GPT2: variants seen among roughly 807,000 people sequenced by gnomAD.
GPT2 encodes alanine aminotransferase 2.
Under a neutral mutation model 56.9 loss-of-function variants are expected in GPT2, and 30 were observed. The observed-to-expected ratio is 0.53, with a 90% confidence interval of 0.39 to 0.72. The LOEUF (loss-of-function observed/expected upper bound fraction) is 0.72, where lower values mean the gene tolerates loss of function less well. Among genes scored for constraint, GPT2 ranks in the 30% least tolerant of loss-of-function variants. The pLI is 0.00. For synonymous variants in GPT2, 271 were observed against 283.1 expected (o/e 0.96, Z 0.43); for missense variants, 542 against 703.4 (o/e 0.77, Z 2.60).
intron 2 of GPT2, among the ~76,000 whole-genome samples, chr16:46,892,695 T>C (rs993972038): frequency 6.6e-6 from 1 of 152,248 alleles, no homozygotes; most frequent in Non-Finnish European, 1.5e-5. Context: ...TTTTCATGTA[T>C]CTGTTGACGA....
intron 2 of GPT2, among the ~76,000 whole-genome samples, chr16:46,892,076 A>C (rs1960597867): frequency 6.6e-6 from 1 of 151,790 alleles, no homozygotes; most frequent in African/African-American, 2.4e-5. Flanking sequence ...CCACATATGC[A>C]CTCCCCCAAC....
rs571000949 is a variant in GPT2 at position 46,923,327 on chromosome 16, A to G, written c.1212+911A>G. ...AAATACAAAAATCAGCCGGGATGGTACATGCCTGTTATCCCAACTACTCGG... is the reference window on the plus strand; with the variant it reads ...AAATACAAAAATCAGCCGGGATGGTGCATGCCTGTTATCCCAACTACTCGG... On this transcript the variant is annotated intron_variant, in intron 9 of 11. Coordinates refer to ENST00000340124, the MANE Select transcript of GPT2 (RefSeq NM_133443.4). 2.0e-5 allele frequency among the ~76,000 whole-genome samples: 3 copies of G among 152,296 alleles called. No homozygotes were observed. The East Asian group carries it at 5.8e-4, about 29-fold the overall frequency.
chr16:46,929,115 G>A lies in GPT2; in HGVS notation c.*118G>A, dbSNP rs1438646750. On this transcript the variant is annotated 3_prime_UTR_variant, in exon 12 of 12. Transcript: ENST00000340124. ...CCTCGCAGAGGCCGCTGGTCACTTC[G>A]TCATCATTTTGCCCCTGGAGACGTC... is the stretch of plus-strand genomic sequence containing the variant. 2.7e-5 allele frequency: 20 copies of A among 742,720 alleles called. No homozygotes were observed. Among genetic ancestry groups the A allele is most frequent in the South Asian group, 9.2e-5 (6 of 65,436 alleles). 46.0% of individuals were successfully genotyped at this position (742,720 alleles called of 1,614,324 possible).
chr16:46,905,441 G>A (rs554868766), intron 4 of GPT2, among the ~76,000 whole-genome samples: 3 of 152,292 alleles, frequency 2.0e-5, no homozygotes, highest in East Asian at 1.9e-4. Flanking sequence ...ACTTCCAGTC[G>A]CCATCCTGCC....
chr16:46,919,765 G>T (rs1961248065), intron 8 of GPT2, among the ~76,000 whole-genome samples: 1 of 152,216 alleles, frequency 6.6e-6, no homozygotes, highest in Non-Finnish European at 1.5e-5. Flanking sequence ...TGTGATGGGG[G>T]ATGGGGACAG....
In GPT2 at chr16:46,899,950, G is replaced by A. The variant is rs570686896; in HGVS notation, c.334-732G>A. ...ACCTGCGCAGGTGCACCTGGGAGGC[G>A]GGCAGGCCAGCTCAGTGCCCATTGT... On this transcript the variant is annotated intron_variant, in intron 3 of 11. Coordinates refer to ENST00000340124, the MANE Select transcript of GPT2 (RefSeq NM_133443.4). Among the ~76,000 whole-genome samples the A allele has an allele frequency of 3.6e-3, 545 of 152,294 alleles. 3 individuals are homozygous for A. The highest frequency in any genetic ancestry group is 0.013 in the African/African-American group (522 of 41,570).
chr16:46,908,450 T>C (rs1960981005), intron 5 of GPT2, among the ~76,000 whole-genome samples: 1 of 152,160 alleles, frequency 6.6e-6, no homozygotes, highest in Non-Finnish European at 1.5e-5. Context: ...GGAATGGTGC[T>C]GGGTGCTGTC....
chr16:46,930,145 C>G lies in GPT2; in HGVS notation c.*1148C>G, dbSNP rs866437694. The G allele has an allele frequency of 1.2e-4, 18 of 152,996 alleles. No homozygotes were observed. The highest frequency in any genetic ancestry group is 4.1e-4 in the African/African-American group (17 of 41,478). The allele number at this position is 152,996 out of a possible 1,614,324, so 9.5% of individuals were successfully genotyped here. A position where few individuals can be genotyped will look rare whatever the true frequency, so the allele number is the denominator to read the frequency against. ...GCCTTCATGTTAGCTTCCGGCTCCCCTCCCAGGCTGCAGACTCTGACCTGT... is the reference window on the plus strand; with the variant it reads ...GCCTTCATGTTAGCTTCCGGCTCCCGTCCCAGGCTGCAGACTCTGACCTGT... On this transcript the variant is annotated 3_prime_UTR_variant, in exon 12 of 12. Transcript: ENST00000340124.
intron 5 of GPT2, among the ~76,000 whole-genome samples, chr16:46,907,572 G>A (rs1033524291): frequency 6.6e-6 from 1 of 152,202 alleles, no homozygotes; most frequent in African/African-American, 2.4e-5. Flanking sequence ...TGTGTGCAGA[G>A]GCCTAGAGCT....
chr16:46,911,593 C>G (rs1961048037), intron 6 of GPT2, among the ~76,000 whole-genome samples: 1 of 152,136 alleles, frequency 6.6e-6, no homozygotes, highest in South Asian at 2.1e-4. Flanking sequence ...AAAATTGAGG[C>G]CACACCCTAG....
At chr16:46,895,931 GT>G (rs1960677926) in intron 2 of GPT2, among the ~76,000 whole-genome samples, 1 of 152,214 alleles carries the variant, frequency 6.6e-6, no homozygotes. Context: ...GAAAAGACAA[GT>G]GTCACAAGCA....
At chr16:46,896,925 C>T (rs1960695265) in intron 2 of GPT2, among the ~76,000 whole-genome samples, 1 of 152,180 alleles carries the variant, frequency 6.6e-6, no homozygotes, top group South Asian at 2.1e-4. Flanking sequence ...TGGCTGGGCA[C>T]AGTGGTTCAC....
chr16:46,895,126 T>C (rs1960662915), intron 2 of GPT2, among the ~76,000 whole-genome samples: 2 of 152,166 alleles, frequency 1.3e-5, no homozygotes, highest in African/African-American at 2.4e-5. Context: ...CAGTCCCCCA[T>C]GCCTCCTTGC....
chr16:46,927,845 G>A (rs1961448439), intron 11 of GPT2, among the ~76,000 whole-genome samples: 1 of 152,036 alleles, frequency 6.6e-6, no homozygotes, highest in Non-Finnish European at 1.5e-5. Context: ...GAAGGCCAGG[G>A]AGCATTTTGG....
At chr16:46,928,808 G>GAC (rs1264417763) in intron 11 of GPT2, 99 bp from the exon 12 acceptor site, 17 of 864,014 alleles carry the variant, frequency 2.0e-5, no homozygotes, top group Middle Eastern at 2.2e-4. Flanking sequence ...AGACCAGGCA[G>GAC]ACCTCCCTCT....
chr16:46,913,517 T>G (rs1961084723), intron 6 of GPT2, among the ~76,000 whole-genome samples: 1 of 152,216 alleles, frequency 6.6e-6, no homozygotes, highest in Admixed American at 6.5e-5. Context: ...GCTTTTTAAA[T>G]AGGAAGCCTA....
Position 46,897,671 on chromosome 16 carries a change from G to A in GPT2, c.267G>A (p.Glu89=). Reference sequence around the variant, plus strand: ...AGGGTATCAAAAAGCCATTCACAGAGGTCATCCGAGCCAACATCGGGGACG... The same window carrying A: ...AGGGTATCAAAAAGCCATTCACAGAAGTCATCCGAGCCAACATCGGGGACG... The part of the protein sequence containing the change: ...LQRGIKKPFT[E]VIRANIGDAQ... The change falls in exon 3 of 12, where the codon GAG becomes GAA. Residue 89 remains glutamate, a synonymous_variant. Coordinates refer to ENST00000340124, the MANE Select transcript of GPT2 (RefSeq NM_133443.4). 6.2e-7 allele frequency: 1 copy of A among 1,614,138 alleles called. No homozygotes were observed. Among genetic ancestry groups the A allele is most frequent in the African/African-American group, 1.3e-5 (1 of 75,058 alleles).
chr16:46,925,360 T>G (rs1277550743), intron 10 of GPT2, among the ~76,000 whole-genome samples: 1 of 152,138 alleles, frequency 6.6e-6, no homozygotes. Context: ...TAGCTGGGAC[T>G]ATAGGCACCT....
intron 11 of GPT2, among the ~76,000 whole-genome samples, chr16:46,928,328 CA>C (rs796983032): frequency 4.6e-4 from 66 of 141,940 alleles, no homozygotes; most frequent in Admixed American, 1.1e-3. Context: ...ACCCTATCTC[CA>C]AAAAAAAAAA....
Sources: allele counts gnomAD v4.1 joint callset (sites outside exome capture counted in the v4.1 genomes callset), GRCh38; gene constraint gnomAD v4.1.1; transcripts MANE v1.5; gene names NCBI Gene and HGNC (gene_info 2026-07-23, HGNC 2026-07-21).